CTIF: variants seen among roughly 807,000 people sequenced by gnomAD.
The protein encoded by CTIF is CBP80/20-dependent translation initiation factor.
Under a neutral mutation model 66.0 loss-of-function variants are expected in CTIF, and 21 were observed. That is an observed-to-expected ratio of 0.32 (90% confidence interval 0.23 to 0.46). The LOEUF is 0.46. Among genes scored for constraint, CTIF ranks in the 20% least tolerant of loss-of-function variants. The pLI is 1.00. For missense variants in CTIF, 739 were observed against 812.7 expected (o/e 0.91, Z 1.10); for synonymous variants, 345 against 326.4 (o/e 1.06, Z -0.62).
chr18:48,692,762 G>A (rs1315615730), intron 6 of CTIF: 1 of 152,240 alleles, frequency 6.6e-6, no homozygotes, highest in Non-Finnish European at 1.5e-5. Context: ...ATGGGCTCCT[G>A]TGGAGGGGTG....
In CTIF at chr18:48,827,571, A is replaced by C. The variant is rs891495057; in HGVS notation, c.1527+10195A>C. 2.6e-5 allele frequency among the ~76,000 whole-genome samples: 4 copies of C among 152,220 alleles called. No individual in the cohort carries two copies. In the South Asian group the frequency reaches 6.2e-4, roughly 24 times the overall value. On this transcript the variant is annotated intron_variant, in intron 10 of 11. Transcript: ENST00000256413. ...ACTTAGCAGGAAGTGAAGGGCTAGA[A>C]TGCAGCTTGAAAAATCAGGAGAACC...
At chr18:48,614,092 A>T (rs1006854911) in intron 1 of CTIF, among the ~76,000 whole-genome samples, 2 of 151,620 alleles carry the variant, frequency 1.3e-5, no homozygotes. Context: ...TCCTTTCTTG[A>T]CTTTCACTGA....
intron 9 of CTIF, among the ~76,000 whole-genome samples, chr18:48,768,423 T>C (rs1165776549): frequency 6.6e-6 from 1 of 152,112 alleles, no homozygotes; most frequent in Non-Finnish European, 1.5e-5. Context: ...GCTTTGAAAC[T>C]CTTCTGAGCA....
intron 1 of CTIF, among the ~76,000 whole-genome samples, chr18:48,612,170 C>T (rs1390017835): frequency 1.3e-5 from 2 of 152,234 alleles, no homozygotes; most frequent in Non-Finnish European, 2.9e-5. Context: ...CAGGCCAGAG[C>T]TTGAGGGCCG....
chr18:48,618,801 G>A (rs1161246593), intron 1 of CTIF, among the ~76,000 whole-genome samples: 1 of 152,228 alleles, frequency 6.6e-6, no homozygotes, highest in East Asian at 1.9e-4. Context: ...CAGAGAGAGG[G>A]TGCGAGGGCT....
At position 48,619,548 on chromosome 18, in the gene CTIF, G is replaced by A. The variant is rs749172373; in HGVS notation, c.-18G>A. 1 of 1,493,304 alleles carries A rather than the reference G, an allele frequency of 6.7e-7. No homozygotes were observed. The highest frequency in any genetic ancestry group is 8.9e-7 in the Non-Finnish European group (1 of 1,120,376). The allele number at this position is 1,493,304 out of a possible 1,614,324, so 92.5% of individuals were successfully genotyped here. A position where few individuals can be genotyped will look rare whatever the true frequency, so the allele number is the denominator to read the frequency against. ...CCTCTTTCCCACCAGTCCCGGCCCAGGCCCCTGAGCTGGAGGGATGGAAAA... is the reference window on the plus strand; with the variant it reads ...CCTCTTTCCCACCAGTCCCGGCCCAAGCCCCTGAGCTGGAGGGATGGAAAA... On this transcript the variant is annotated 5_prime_UTR_variant, in exon 2 of 12. Transcript: ENST00000256413.
intron 1 of CTIF, among the ~76,000 whole-genome samples, chr18:48,553,460 T>C (rs879342556): frequency 6.6e-6 from 1 of 152,132 alleles, no homozygotes; most frequent in Non-Finnish European, 1.5e-5. Flanking sequence ...GAGCGGGTGA[T>C]GGGGTAATTC....
chr18:48,740,699 C>T (rs181007281), intron 7 of CTIF, among the ~76,000 whole-genome samples: 3 of 152,334 alleles, frequency 2.0e-5, no homozygotes, highest in Middle Eastern at 6.8e-3. Context: ...TCCCCCACCA[C>T]GCACCTTGTT....
intron 10 of CTIF, among the ~76,000 whole-genome samples, chr18:48,844,469 A>C (rs1349685129): frequency 6.6e-6 from 1 of 152,238 alleles, no homozygotes; most frequent in Non-Finnish European, 1.5e-5. Context: ...GGGATGAAGC[A>C]TCCCCCATGT....
chr18:48,631,180 A>C (rs2090705441), intron 2 of CTIF, among the ~76,000 whole-genome samples: 1 of 152,270 alleles, frequency 6.6e-6, no homozygotes, highest in Middle Eastern at 3.4e-3. Context: ...CTCATAAAAC[A>C]CTGGCCGGGT....
intron 1 of CTIF, among the ~76,000 whole-genome samples, chr18:48,548,813 C>A (rs2088816106): frequency 6.6e-6 from 1 of 152,220 alleles, no homozygotes; most frequent in African/African-American, 2.4e-5. Context: ...TGCAGTGGGT[C>A]TGGCTCTAGG....
intron 6 of CTIF, among the ~76,000 whole-genome samples, chr18:48,705,877 GC>G (rs2092145739): frequency 6.6e-6 from 1 of 152,254 alleles, no homozygotes; most frequent in Non-Finnish European, 1.5e-5. Context: ...CTTCCTATGG[GC>G]CGCCAGAGGC....
intron 6 of CTIF, among the ~76,000 whole-genome samples, chr18:48,699,809 G>A (rs1372922310): frequency 4.9e-4 from 75 of 152,336 alleles, no homozygotes; most frequent in Non-Finnish European, 2.9e-5. Context: ...GAGAAAACTA[G>A]AAGCTTAAAT....
chr18:48,678,776 T>G (rs920422822), intron 6 of CTIF, among the ~76,000 whole-genome samples: 1 of 152,042 alleles, frequency 6.6e-6, no homozygotes, highest in African/African-American at 2.4e-5. Flanking sequence ...GCGAGTACTT[T>G]CAGGGCTGTG....
chr18:48,847,223 G>A (rs1336533257), intron 10 of CTIF, among the ~76,000 whole-genome samples: 4 of 150,162 alleles, frequency 2.7e-5, no homozygotes, highest in Admixed American at 6.7e-5. Context: ...CAGGAGAATC[G>A]CTTGAACCCG....
At chr18:48,633,727 A>C (rs185004916) in intron 2 of CTIF, among the ~76,000 whole-genome samples, 8 of 151,846 alleles carry the variant, frequency 5.3e-5, no homozygotes, top group African/African-American at 1.9e-4. Flanking sequence ...AAATAAATAA[A>C]TAAATAAATA....
intron 10 of CTIF, among the ~76,000 whole-genome samples, chr18:48,852,233 T>TAAAAAAAAAAAAAA (rs10591389): frequency 3.0e-5 from 2 of 66,584 alleles, no homozygotes; most frequent in Non-Finnish European, 5.7e-5. Context: ...GACCCTGTCT[T>TAAAAAAAAAAAAAA]AAAAAAAAAA....
chr18:48,814,912 GA>G (rs1242973441), intron 9 of CTIF, among the ~76,000 whole-genome samples: 1 of 152,242 alleles, frequency 6.6e-6, no homozygotes, highest in African/African-American at 2.4e-5. Context: ...ACAATTCAGT[GA>G]GAAAGGAGTG....
intron 1 of CTIF, among the ~76,000 whole-genome samples, chr18:48,601,986 T>C (rs1313689831): frequency 1.3e-5 from 2 of 152,224 alleles, no homozygotes; most frequent in African/African-American, 2.4e-5. Flanking sequence ...AGGAGGCATG[T>C]TCATTTCACA....
Sources: gnomAD v4.1 joint callset for allele counts (sites outside exome capture counted in the v4.1 genomes callset) on GRCh38, gnomAD v4.1.1 for gene constraint, MANE v1.5 for transcripts, NCBI Gene and HGNC (gene_info 2026-07-23, HGNC 2026-07-21) for gene names.